Variants in PHACTR1 observed in about 807,000 individuals in gnomAD.
PHACTR1 encodes the protein RPEL repeat containing 1.
In PHACTR1, 16 loss-of-function variants were observed where a neutral mutation model predicts 69.2. That is an observed-to-expected ratio of 0.23 (90% CI 0.16 to 0.35). The LOEUF (loss-of-function observed/expected upper bound fraction) is 0.35, where lower values mean the gene tolerates loss of function less well. Among genes scored for constraint, PHACTR1 ranks in the 10% least tolerant of loss-of-function variants. PHACTR1 has a pLI of 1.00. For missense variants in PHACTR1, 510 were observed against 734.7 expected, an observed-to-expected ratio of 0.69 and a Z score of 3.54; for synonymous variants, 312 against 284.5, an observed-to-expected ratio of 1.10 and a Z score of -0.97.
chr6:13,245,647 G>A lies in PHACTR1; in HGVS notation c.1391+15454G>A, dbSNP rs868255051. ...TGACAGTTTCTTTTGCTGTACAGAA[G>A]CTCTTTGGTTTAATTAGGTGCCATT... On this transcript the variant is annotated intron_variant, in intron 10 of 14. Coordinates refer to ENST00000332995, the MANE Select transcript of PHACTR1 (RefSeq NM_030948.6). The surrounding 1 kb of genome is among the most constrained non-coding windows in gnomAD (Gnocchi z 4.1). Among the ~76,000 whole-genome samples, 34 of 152,230 alleles carry A rather than the reference G, an allele frequency of 2.2e-4. No individual in the cohort carries two copies. Among genetic ancestry groups the A allele is most frequent in the African/African-American group, 6.7e-4 (28 of 41,540 alleles).
intron 7 of PHACTR1, among the ~76,000 whole-genome samples, 195 bp downstream of exon 7, chr6:13,182,881 TC>T (rs558122286): frequency 5.9e-5 from 9 of 152,324 alleles, no homozygotes; most frequent in African/African-American, 1.9e-4. Flanking sequence ...ACACTTATTA[TC>T]CTACAGTGTT....
At chr6:12,988,674 G>C (rs1432337812) in intron 4 of PHACTR1, among the ~76,000 whole-genome samples, 2 of 152,158 alleles carry the variant, frequency 1.3e-5, no homozygotes, top group Non-Finnish European at 2.9e-5. Flanking sequence ...TAAGCAATTT[G>C]ACCAGCATCA....
intron 4 of PHACTR1, among the ~76,000 whole-genome samples, chr6:12,797,773 G>T (rs1308831374): frequency 6.6e-6 from 1 of 151,978 alleles, no homozygotes; most frequent in Non-Finnish European, 1.5e-5. Context: ...CTTCCCTGGG[G>T]GTTTTGTGCC....
At chr6:12,817,210 T>C (rs562740292) in intron 4 of PHACTR1, among the ~76,000 whole-genome samples, 3 of 152,324 alleles carry the variant, frequency 2.0e-5, no homozygotes, top group Admixed American at 6.5e-5. Context: ...GTGGACTTTT[T>C]TTCAAAGGGG....
chr6:12,803,329 C>G (rs1227349027), intron 4 of PHACTR1, among the ~76,000 whole-genome samples: 1 of 152,180 alleles, frequency 6.6e-6, no homozygotes, highest in Non-Finnish European at 1.5e-5. Flanking sequence ...TTCTTCCCCT[C>G]TCATCCTTGC....
intron 3 of PHACTR1, among the ~76,000 whole-genome samples, chr6:12,726,274 A>G (rs1334110131): frequency 1.3e-5 from 2 of 152,162 alleles, no homozygotes; most frequent in Non-Finnish European, 2.9e-5. Flanking sequence ...GTCTGGGATG[A>G]TGGAGTTTTC....
chr6:13,228,936 T>C (rs943039472), intron 9 of PHACTR1, among the ~76,000 whole-genome samples: 1 of 152,238 alleles, frequency 6.6e-6, no homozygotes, highest in African/African-American at 2.4e-5. Flanking sequence ...AAAGCCATCC[T>C]CAGACTTGTT....
intron 4 of PHACTR1, among the ~76,000 whole-genome samples, chr6:12,985,504 A>G (rs1205573778): frequency 6.9e-6 from 1 of 145,708 alleles, no homozygotes; most frequent in Non-Finnish European, 1.5e-5. Context: ...CTACATCATC[A>G]GAAGTTTGTA....
At chr6:13,090,815 C>T (rs1269517963) in intron 5 of PHACTR1, among the ~76,000 whole-genome samples, 3 of 152,056 alleles carry the variant, frequency 2.0e-5, no homozygotes, top group African/African-American at 7.2e-5. Context: ...CGGTCCCAAG[C>T]CTTTTGTTGT....
intron 5 of PHACTR1, among the ~76,000 whole-genome samples, chr6:13,134,192 T>A (rs1477888768): frequency 3.4e-5 from 5 of 147,106 alleles, no homozygotes; most frequent in Admixed American, 2.0e-4. Flanking sequence ...AGCCACCCCG[T>A]CCCGGAGGGA....
chr6:12,744,402 A>T (rs1241317926), intron 3 of PHACTR1, among the ~76,000 whole-genome samples: 1 of 152,134 alleles, frequency 6.6e-6, no homozygotes, highest in African/African-American at 2.4e-5. Flanking sequence ...GAGAGAAAGA[A>T]ATGTGCTCCA....
chr6:12,771,558 G>A (rs1265277710), intron 4 of PHACTR1, among the ~76,000 whole-genome samples: 2 of 152,216 alleles, frequency 1.3e-5, no homozygotes, highest in Non-Finnish European at 2.9e-5. Context: ...ATTGAATTGT[G>A]TTAAAGTGTG....
chr6:13,046,697 C>CTCT (rs1398655369), intron 4 of PHACTR1, among the ~76,000 whole-genome samples: 1 of 152,078 alleles, frequency 6.6e-6, no homozygotes, highest in Non-Finnish European at 1.5e-5. Context: ...ATCATTTTCC[C>CTCT]TCTTTAATGC....
At chr6:13,211,636 C>T (rs115662005) in intron 8 of PHACTR1, among the ~76,000 whole-genome samples, 94 of 152,334 alleles carry the variant, frequency 6.2e-4, no homozygotes, top group African/African-American at 2.1e-3. Flanking sequence ...TGGAGTCACC[C>T]TTGACCCCTT....
intron 4 of PHACTR1, among the ~76,000 whole-genome samples, chr6:12,944,165 G>A (rs1790348294): frequency 6.6e-6 from 1 of 152,194 alleles, no homozygotes; most frequent in Admixed American, 6.5e-5. Flanking sequence ...GGAAGGAAAG[G>A]CAGGAGGCAC....
chr6:12,838,287 C>T (rs1271981874), intron 4 of PHACTR1, among the ~76,000 whole-genome samples: 2 of 152,160 alleles, frequency 1.3e-5, no homozygotes, highest in African/African-American at 2.4e-5. Flanking sequence ...CAGAAGCCAA[C>T]CTGGAGCCTG....
chr6:12,759,873 A>G (rs547165138), intron 4 of PHACTR1, among the ~76,000 whole-genome samples: 16 of 152,316 alleles, frequency 1.1e-4, no homozygotes, highest in Admixed American at 3.9e-4. Flanking sequence ...CCCTAGAGCC[A>G]GACTTCCTGG....
intron 11 of PHACTR1, 120 bp downstream of exon 11, chr6:13,273,035 C>T (rs1014279852): frequency 2.1e-5 from 29 of 1,406,470 alleles, no homozygotes; most frequent in East Asian, 6.9e-5. Context: ...ACCTTTCTAA[C>T]GGTTGAAGCT....
chr6:13,018,775 T>C (rs186283074), intron 4 of PHACTR1, among the ~76,000 whole-genome samples: 52 of 152,244 alleles, frequency 3.4e-4, no homozygotes, highest in African/African-American at 9.2e-4. Context: ...GCAGTTCAGA[T>C]TGCATCCACT....
Sources: gnomAD v4.1 joint callset for allele counts (sites outside exome capture counted in the v4.1 genomes callset) on GRCh38, gnomAD v4.1.1 for gene constraint, Gnocchi (gnomAD v3.1) non-coding constraint, MANE v1.5 for transcripts, NCBI Gene and HGNC (gene_info 2026-07-23, HGNC 2026-07-21) for gene names.